Variants in STRIP1 observed in about 807,000 individuals in gnomAD.
STRIP1 encodes striatin-interacting protein 1.
A neutral mutation model predicts 106.2 loss-of-function variants in STRIP1; 63 were observed. The observed-to-expected ratio is 0.59, with a 90% CI of 0.48 to 0.73. The LOEUF (loss-of-function observed/expected upper bound fraction) is 0.73, where lower values mean the gene tolerates loss of function less well. STRIP1 is among the 30% of genes least tolerant of loss of function. The pLI, the probability that STRIP1 is intolerant of heterozygous loss-of-function variation, is 0.00. For missense variants in STRIP1, 857 were observed against 1,074.8 expected, an observed-to-expected ratio of 0.80 and a Z score of 2.83; for synonymous variants, 390 against 413.0, an observed-to-expected ratio of 0.94 and a Z score of 0.67.
At chr1:110,044,701 T>A in intron 10 of STRIP1, 139 bp from the exon 11 acceptor site, 1 of 817,222 alleles carries the variant, frequency 1.2e-6, no homozygotes. Context: ...TTTTCCCTTT[T>A]TTCAAAGAGA....
chr1:110,050,251 G>A, intron 17 of STRIP1, 92 bp from the exon 18 acceptor site: 1 of 1,243,094 alleles, frequency 8.0e-7, no homozygotes, highest in Non-Finnish European at 1.2e-6. Context: ...ACAAGTGAGG[G>A]AGGAAAGCTG....
chr1:110,038,111 T>TATATATATATATATATATAC (rs1412174294), intron 2 of STRIP1, 151 bp downstream of exon 2: 13 of 148,306 alleles, frequency 8.8e-5, no homozygotes, highest in African/African-American at 3.8e-4. Flanking sequence ...TATATATATA[T>TATATATATATATATATATAC]ATGTATAAAA....
At chr1:110,048,951 G>A (rs866295939) in intron 15 of STRIP1, among the ~76,000 whole-genome samples, 161 bp from the exon 16 acceptor site, 6 of 152,334 alleles carry the variant, frequency 3.9e-5, no homozygotes, top group South Asian at 4.1e-4. Context: ...TGCTTGGGAG[G>A]TGGATGGGGG....
In STRIP1 at chr1:110,044,818, CTCTT is replaced by C. The variant is rs1652939438; in HGVS notation, c.1287-20_1287-17del. The C allele has an allele frequency of 6.2e-7, 1 of 1,611,460 alleles. No individual in the cohort carries two copies. On this transcript the variant is annotated intron_variant, in intron 10 of 20. Transcript: ENST00000369795. Reference sequence around the variant, plus strand: ...TTTGCTAAAAACCTTTTTTCTTTCTCTCTTTTTTGGTGATGTGGCAGAGAGAAAG... The same window carrying C: ...TTTGCTAAAAACCTTTTTTCTTTCTCTTTTGGTGATGTGGCAGAGAGAAAG...
intron 19 of STRIP1, 31 bp from the exon 20 acceptor site, chr1:110,051,652 A>G: frequency 1.3e-6 from 2 of 1,566,604 alleles, no homozygotes; most frequent in Non-Finnish European, 1.7e-6. Context: ...TTTGTCTTCA[A>G]CTTGGGCTGC....
At chr1:110,037,454 CAGAA>C (rs1410679644) in intron 1 of STRIP1, among the ~76,000 whole-genome samples, 13 of 152,178 alleles carry the variant, frequency 8.5e-5, no homozygotes, top group African/African-American at 2.9e-4. Context: ...GTCCACTAGC[CAGAA>C]AGAAGTTAAG....
intron 6 of STRIP1, 33 bp downstream of exon 6, chr1:110,040,736 G>T: frequency 6.3e-7 from 1 of 1,582,722 alleles, no homozygotes; most frequent in Non-Finnish European, 8.6e-7. Context: ...GCTCCTGAGC[G>T]TTAGTCAGAG....
rs1415117866 is a variant in STRIP1 at position 110,054,163 on chromosome 1, G to A, written c.*251G>A. The A allele has an allele frequency of 1.0e-5, 5 of 495,330 alleles. No individual in the cohort carries two copies. The highest frequency in any genetic ancestry group is 5.8e-5 in the African/African-American group (3 of 51,786). The allele number at this position is 495,330 out of a possible 1,614,324, so 30.7% of individuals were successfully genotyped here. On this transcript the variant is annotated 3_prime_UTR_variant, in exon 21 of 21. Coordinates refer to ENST00000369795, the MANE Select transcript of STRIP1 (RefSeq NM_033088.4). Reference sequence around the variant, plus strand: ...TTTACTTCCCCCACCCTCCTCTCTTGGATATGGTTGGTTTTGGCTCATTTC... The same window carrying A: ...TTTACTTCCCCCACCCTCCTCTCTTAGATATGGTTGGTTTTGGCTCATTTC...
chr1:110,034,482 G>C, upstream of STRIP1: 2 of 787,670 alleles, frequency 2.5e-6, no homozygotes. Flanking sequence ...AAGGACTGCA[G>C]ACAGAATATC....
chr1:110,047,984 GTATTT>G, intron 15 of STRIP1, 115 bp downstream of exon 15: 2 of 869,636 alleles, frequency 2.3e-6, no homozygotes, highest in Non-Finnish European at 3.6e-6. Flanking sequence ...TTAAATGTAG[GTATTT>G]TTGACCCAAA....
chr1:110,050,478 C>T, intron 18 of STRIP1, 69 bp downstream of exon 18: 1 of 1,417,150 alleles, frequency 7.1e-7, no homozygotes, highest in Non-Finnish European at 9.9e-7. Flanking sequence ...CCTGCCTACC[C>T]CAACACTGCA....
At chr1:110,040,910 C>G (rs1652728352) in intron 6 of STRIP1, among the ~76,000 whole-genome samples, 6 of 152,144 alleles carry the variant, frequency 3.9e-5, no homozygotes. Context: ...CAAAGGCAAT[C>G]CAGGGTCAAG....
intron 8 of STRIP1, chr1:110,042,747 T>C (rs1474688276): frequency 1.9e-5 from 4 of 213,882 alleles, no homozygotes; most frequent in Non-Finnish European, 3.7e-5. Flanking sequence ...CATGTACAAC[T>C]TGTGAAACAT....
intron 3 of STRIP1, 33 bp from the exon 4 acceptor site, chr1:110,039,139 A>G: frequency 6.2e-7 from 1 of 1,609,966 alleles, no homozygotes; most frequent in Non-Finnish European, 8.5e-7. Flanking sequence ...GGATTTTTCT[A>G]GGCTCAGGTG....
chr1:110,036,451 C>T (rs1021656834), intron 1 of STRIP1, among the ~76,000 whole-genome samples: 3 of 152,010 alleles, frequency 2.0e-5, no homozygotes, highest in Non-Finnish European at 4.4e-5. Context: ...CGAAACTCTC[C>T]CCGTCTCAAA....
Position 110,038,641 on chromosome 1 carries a change from T to A in STRIP1, c.251-42T>A, listed in dbSNP as rs377733408. ...TGCACTTGTGAGACCTGGTGTGCAA[T>A]GCAGACATGGAACCAATGGTGACGA... On this transcript the variant is annotated intron_variant, in intron 2 of 20. Transcript: ENST00000369795. 68 of 1,562,134 alleles carry A rather than the reference T, an allele frequency of 4.4e-5. No homozygotes were observed. In the African/African-American group the frequency reaches 9.2e-4, roughly 21 times the overall value.
intron 12 of STRIP1, 108 bp downstream of exon 12, chr1:110,045,186 G>C (rs1026470263): frequency 6.1e-6 from 6 of 976,050 alleles, no homozygotes; most frequent in Non-Finnish European, 9.7e-6. Context: ...GCAAGAACCT[G>C]GGGTAGAGGC....
chr1:110,047,414 G>C (rs946475709), intron 13 of STRIP1, 128 bp from the exon 14 acceptor site: 18 of 694,384 alleles, frequency 2.6e-5, no homozygotes, highest in Admixed American at 1.9e-4. Context: ...TTCAGGGTTT[G>C]CTGTTATCAT....
Position 110,051,713 on chromosome 1 carries a change from T to C in STRIP1, c.2092T>C (p.Leu698=). 10 of 1,611,010 alleles carry C rather than the reference T, an allele frequency of 6.2e-6. No individual in the cohort carries two copies. Among genetic ancestry groups the C allele is most frequent in the Non-Finnish European group, 8.5e-6 (10 of 1,178,874 alleles). Residue 698 remains leucine, a synonymous_variant, in exon 20 of 21, where the codon TTG becomes CTG. Transcript: ENST00000369795. ...MLVVFKSAPI[L]KRALKVKQAM... is the part of the protein sequence containing the mutation. ...GGTGGTGTTCAAGTCAGCCCCCATCTTGAAGCGGGCCCTAAAGGTGAAACA... is the reference window on the plus strand; with the variant it reads ...GGTGGTGTTCAAGTCAGCCCCCATCCTGAAGCGGGCCCTAAAGGTGAAACA...
Sources: allele counts gnomAD v4.1 joint callset (sites outside exome capture counted in the v4.1 genomes callset), GRCh38; gene constraint gnomAD v4.1.1; transcripts MANE v1.5; gene names NCBI Gene and HGNC (gene_info 2026-07-23, HGNC 2026-07-21).